The following SEZ6L variants were observed in gnomAD, a reference collection of about 807,000 sequenced individuals.
SEZ6L encodes the protein seizure related 6 homolog like.
SEZ6L carries 37 observed loss-of-function variants against 106.2 expected under a neutral mutation model. The observed-to-expected ratio is 0.35, with a 90% CI of 0.27 to 0.46. The LOEUF is 0.46. SEZ6L is among the 20% of genes least tolerant of loss of function. The pLI is 1.00. For missense variants in SEZ6L, 1,172 were observed against 1,332.8 expected (o/e 0.88, Z 1.88); for synonymous variants, 541 against 570.4 (o/e 0.95, Z 0.73).
chr22:26,371,105 C>G (rs1366777578), intron 13 of SEZ6L, among the ~76,000 whole-genome samples: 1 of 152,006 alleles, frequency 6.6e-6, no homozygotes, highest in African/African-American at 2.4e-5. Context: ...TTATTTGCCA[C>G]CCGTCATTCC....
chr22:26,200,997 C>T (rs747265866), intron 1 of SEZ6L, among the ~76,000 whole-genome samples: 1 of 152,134 alleles, frequency 6.6e-6, no homozygotes, highest in South Asian at 2.1e-4. Flanking sequence ...AAGACTCCTC[C>T]GGTTCCCCCA....
rs573107759 is a variant in SEZ6L at position 26,338,462 on chromosome 22, A to G, written c.2016-1974A>G. On this transcript the variant is annotated intron_variant, in intron 9 of 16. Coordinates refer to ENST00000248933, the MANE Select transcript of SEZ6L (RefSeq NM_021115.5). ...GCCCAGGCTGGAGTACAGTGGCACA[A>G]TCATAGCTCACTGTAGCCTCAAACT... is the stretch of plus-strand genomic sequence containing the variant. 7.5e-4 allele frequency among the ~76,000 whole-genome samples: 114 copies of G among 152,258 alleles called. 1 individual carries two copies. Among genetic ancestry groups the G allele is most frequent in the Admixed American group, 3.5e-3 (53 of 15,296 alleles).
At chr22:26,209,845 A>AAGGAATGAAGGAAAGAAGGGAGAG (rs2145698967) in intron 1 of SEZ6L, among the ~76,000 whole-genome samples, 2 of 60,636 alleles carry the variant, frequency 3.3e-5, no homozygotes, top group Admixed American at 1.4e-4. Context: ...AGGAGGAAGG[A>AAGGAATGAAGGAAAGAAGGGAGAG]AGGAATGAAG....
chr22:26,237,495 T>C (rs1249733800), intron 1 of SEZ6L, among the ~76,000 whole-genome samples: 2 of 152,266 alleles, frequency 1.3e-5, no homozygotes, highest in Admixed American at 1.3e-4. Context: ...ATCTATAAGA[T>C]GGGTATCCTG....
chr22:26,310,791 T>C lies in SEZ6L; in HGVS notation c.1636T>C (p.Ser546Pro), dbSNP rs1212273891. The change falls in exon 7 of 17, where the codon TCC becomes CCC. Residue 546 changes from serine (S) to proline (P), a missense_variant. Around this residue, in one of 4 missense-constraint regions of SEZ6L, gnomAD observed 534 missense variants for 691.0 expected, o/e 0.77. Transcript: ENST00000248933. ...CAACACCATCCGCATCGAGTTCACG[T>C]CCGACCAGGCCCGGGCGGCCTCCAC... ...EGNTIRIEFT[S>P]DQARAASTFN... is the part of the protein sequence containing the mutation. The C allele has an allele frequency of 1.2e-6, 2 of 1,614,108 alleles. No individual in the cohort carries two copies. The highest frequency in any genetic ancestry group is 8.5e-7 in the Non-Finnish European group (1 of 1,180,018).
intron 1 of SEZ6L, among the ~76,000 whole-genome samples, chr22:26,213,774 A>T (rs1035013257): frequency 6.6e-6 from 1 of 152,216 alleles, no homozygotes; most frequent in Non-Finnish European, 1.5e-5. Context: ...TACAAAAATT[A>T]GCTGGGTGTA....
At chr22:26,243,613 G>A (rs909761438) in intron 1 of SEZ6L, among the ~76,000 whole-genome samples, 1 of 152,216 alleles carries the variant, frequency 6.6e-6, no homozygotes, top group Non-Finnish European at 1.5e-5. Flanking sequence ...TAAAGAGACA[G>A]GAAGCCACTG....
At chr22:26,278,999 A>AGGAAGGAAGGAAGGAAGGAAAGAC (rs57017312) in intron 1 of SEZ6L, among the ~76,000 whole-genome samples, 6,474 of 135,588 alleles carry the variant, frequency 0.048, 341 homozygotes, top group Non-Finnish European at 0.065. Context: ...GAAGGAAGGA[A>AGGAAGGAAGGAAGGAAGGAAAGAC]GGAAGGAAGG....
chr22:26,269,986 C>T lies in SEZ6L; in HGVS notation c.95-22420C>T, dbSNP rs144872817. 4.9e-4 allele frequency among the ~76,000 whole-genome samples: 74 copies of T among 152,260 alleles called. 3 individuals are homozygous for T. Among genetic ancestry groups the T allele is most frequent in the East Asian group, 3.7e-3 (19 of 5,178 alleles). The stretch of plus-strand genomic sequence containing the variant: ...AAAGACAGTATCAGGGAAAAGACCC[C>T]GGAGAAAGACTCAGAGAAGCAAGGA... On this transcript the variant is annotated intron_variant, in intron 1 of 16. Coordinates refer to ENST00000248933, the MANE Select transcript of SEZ6L (RefSeq NM_021115.5).
At chr22:26,232,702 A>G (rs1207298248) in intron 1 of SEZ6L, among the ~76,000 whole-genome samples, 5 of 152,252 alleles carry the variant, frequency 3.3e-5, no homozygotes, top group African/African-American at 9.6e-5. Flanking sequence ...GGTGTGTAGT[A>G]GGCTGTCCCA....
At chr22:26,375,820 A>G (rs2084206011) in intron 15 of SEZ6L, 131 bp downstream of exon 15, 4 of 634,760 alleles carry the variant, frequency 6.3e-6, no homozygotes, top group Non-Finnish European at 1.1e-5. Context: ...GTGTTATTGC[A>G]GAGATGCCCA....
intron 1 of SEZ6L, among the ~76,000 whole-genome samples, chr22:26,250,398 C>T (rs1265105805): frequency 6.6e-6 from 1 of 152,078 alleles, no homozygotes; most frequent in East Asian, 1.9e-4. Flanking sequence ...CCAGTTTTCC[C>T]AGCACCATTA....
At position 26,340,436 on chromosome 22, in the gene SEZ6L, C is replaced by A; in HGVS notation, c.2016C>A (p.Phe672Leu). Reference protein sequence around the residue: ...EEKRIFLDIQFLNLSNSDILT... With the variant: ...EEKRIFLDIQLLNLSNSDILT... ...CTCTCCCTCTTCTCTGCCCTCCAAG[C>A]CTGAATCTGAGCAACAGTGACATCT... The change falls in exon 10 of 17, where the codon TTC becomes TTA. Residue 672 changes from phenylalanine (F) to leucine (L), a missense_variant and splice_region_variant. This residue lies in a region of SEZ6L where 534 missense variants were observed against 691.0 expected (regional missense o/e 0.77). Coordinates refer to ENST00000248933, the MANE Select transcript of SEZ6L (RefSeq NM_021115.5). 6.2e-7 allele frequency: 1 copy of A among 1,610,306 alleles called. No homozygotes were observed. The highest frequency in any genetic ancestry group is 8.5e-7 in the Non-Finnish European group (1 of 1,178,170).
At chr22:26,246,098 A>G (rs181809237) in intron 1 of SEZ6L, among the ~76,000 whole-genome samples, 79 of 152,354 alleles carry the variant, frequency 5.2e-4, no homozygotes, top group African/African-American at 1.8e-3. Context: ...GAAACTTATT[A>G]GGCGAGGTAG....
intron 1 of SEZ6L, among the ~76,000 whole-genome samples, chr22:26,214,867 T>C (rs2078255840): frequency 6.6e-6 from 1 of 152,038 alleles, no homozygotes; most frequent in Admixed American, 6.6e-5. Flanking sequence ...TGATCAAACT[T>C]ATAACACTGA....
At chr22:26,293,528 G>C (rs1187653075) in intron 2 of SEZ6L, among the ~76,000 whole-genome samples, 1 of 152,070 alleles carries the variant, frequency 6.6e-6, no homozygotes, top group Non-Finnish European at 1.5e-5. Flanking sequence ...AGGGGGTCTT[G>C]CTTATTGTCC....
At chr22:26,332,825 G>T (rs991303945) in intron 9 of SEZ6L, among the ~76,000 whole-genome samples, 27 of 152,300 alleles carry the variant, frequency 1.8e-4, no homozygotes, top group African/African-American at 5.8e-4. Flanking sequence ...TCTTGAAAAC[G>T]TGTGTATGTG....
chr22:26,312,143 A>G (rs2081858302), intron 8 of SEZ6L, among the ~76,000 whole-genome samples, 181 bp downstream of exon 8: 2 of 152,216 alleles, frequency 1.3e-5, no homozygotes, highest in South Asian at 4.1e-4. Context: ...AGAAAATTAC[A>G]AAATGGGTGA....
chr22:26,266,543 C>A (rs373281926), intron 1 of SEZ6L, among the ~76,000 whole-genome samples: 30 of 151,354 alleles, frequency 2.0e-4, no homozygotes, highest in African/African-American at 5.8e-4. Flanking sequence ...ACTGCACTCC[C>A]GCCTGGGCAA....
Sources: allele counts gnomAD v4.1 joint callset (sites outside exome capture counted in the v4.1 genomes callset), GRCh38; gene constraint gnomAD v4.1.1; regional missense constraint gnomAD v4.1.1; transcripts MANE v1.5; gene names NCBI Gene and HGNC (gene_info 2026-07-23, HGNC 2026-07-21).